The following RAB2B variants were observed in gnomAD, a reference collection of about 807,000 sequenced individuals.
The protein encoded by RAB2B is RAB2B, member RAS oncogene family.
RAB2B carries 20 observed loss-of-function variants against 29.8 expected under a neutral mutation model. That is an observed-to-expected ratio of 0.67 (90% confidence interval 0.47 to 0.97). The LOEUF (loss-of-function observed/expected upper bound fraction) is 0.97. RAB2B is among the 50% of genes least tolerant of loss of function. RAB2B has a pLI of 0.00. For missense variants in RAB2B, 218 were observed against 272.0 expected (o/e 0.80, Z 1.40); for synonymous variants, 93 against 91.7 (o/e 1.01, Z -0.08).
intron 3 of RAB2B, among the ~76,000 whole-genome samples, chr14:21,471,681 C>CT (rs35750510): frequency 0.8 from 106,325 of 132,310 alleles, 44,079 homozygotes; most frequent in Middle Eastern, 0.91. Context: ...TTTTTTTTTC[C>CT]TTTTTTTTTT....
chr14:21,468,382 C>A lies in RAB2B; in HGVS notation c.337G>T (p.Val113Phe). 1 of 1,613,906 alleles carries A rather than the reference C, an allele frequency of 6.2e-7. No individual in the cohort carries two copies. The highest frequency in any genetic ancestry group is 1.1e-5 in the South Asian group (1 of 91,066). ...DARQHSSSNM[V>F]IMLIGNKSDL... ...CTCTTATTCCCAATGAGCATGATAA[C>A]CATGTTGGAACTAGAGTGCTGCCGG... The change falls in exon 5 of 8, where the codon GTT becomes TTT. Residue 113 changes from valine to phenylalanine, a missense_variant. Val to Phe is a conservative substitution (Grantham distance 50). Transcript: ENST00000397762.
At chr14:21,467,144 TA>T (rs1890705384) in intron 5 of RAB2B, among the ~76,000 whole-genome samples, 1 of 151,520 alleles carries the variant, frequency 6.6e-6, no homozygotes, top group Non-Finnish European at 1.5e-5. Flanking sequence ...CCTGACTTTC[TA>T]ATCTACCCAC....
intron 5 of RAB2B, among the ~76,000 whole-genome samples, chr14:21,465,977 C>T (rs562938488): frequency 6.6e-6 from 1 of 152,326 alleles, no homozygotes; most frequent in East Asian, 1.9e-4. Context: ...AATATCACTC[C>T]TAATCAAAAG....
chr14:21,470,552 G>A (rs899900660), intron 3 of RAB2B, among the ~76,000 whole-genome samples: 6 of 151,732 alleles, frequency 4.0e-5, no homozygotes, highest in Non-Finnish European at 5.9e-5. Context: ...AATCAGAATC[G>A]GAAAATAAAA....
intron 4 of RAB2B, 52 bp downstream of exon 4, chr14:21,468,618 C>A: frequency 2.3e-6 from 3 of 1,308,542 alleles, no homozygotes; most frequent in Non-Finnish European, 3.2e-6. Flanking sequence ...AAAAAAAAAG[C>A]TTTAGAGGAT....
intron 2 of RAB2B, chr14:21,476,322 A>AG (rs1890962282): frequency 5.2e-6 from 3 of 573,646 alleles, no homozygotes; most frequent in Non-Finnish European, 9.2e-6. Context: ...CACTCTAAAA[A>AG]GTTACCTTTC....
chr14:21,468,755 T>C lies in RAB2B; in HGVS notation c.187-3A>G, dbSNP rs1398441340. ...GAACGGAAGGATTCTTGCCCAGCCT[T>C]TCCCACCAACATGGCAACAAAAAAT... On this transcript the variant is annotated splice_polypyrimidine_tract_variant and splice_region_variant and intron_variant, in intron 3 of 7. Transcript: ENST00000397762. The C allele has an allele frequency of 6.6e-7, 1 of 1,523,372 alleles. No homozygotes were observed. The highest frequency in any genetic ancestry group is 8.8e-7 in the Non-Finnish European group (1 of 1,135,850). The allele number at this position is 1,523,372 out of a possible 1,614,324, so 94.4% of individuals were successfully genotyped here. A position where few individuals can be genotyped will look rare whatever the true frequency, so the allele number is the denominator to read the frequency against.
rs1890490644 is a variant in RAB2B at position 21,459,590 on chromosome 14, A to C, written c.*1606T>G. The C allele has an allele frequency of 6.6e-6, 1 of 152,274 alleles. No homozygotes were observed. Among genetic ancestry groups the C allele is most frequent in the African/African-American group, 2.4e-5 (1 of 41,468 alleles). 9.4% of individuals were successfully genotyped at this position (152,274 alleles called of 1,614,324 possible). On this transcript the variant is annotated 3_prime_UTR_variant, in exon 8 of 8. Coordinates refer to ENST00000397762, the MANE Select transcript of RAB2B (RefSeq NM_032846.4). The stretch of plus-strand genomic sequence containing the variant: ...AACTTATACGGAAAGACAAGATTCC[A>C]CACAAAAACAACTGCAAACCATATT...
intron 3 of RAB2B, 115 bp downstream of exon 3, chr14:21,474,752 T>C (rs1007217605): frequency 6.4e-6 from 5 of 781,286 alleles, no homozygotes; most frequent in Non-Finnish European, 1.1e-5. Context: ...TGATTTCACC[T>C]TTCCCCTACT....
chr14:21,462,501 T>TCTC, intron 6 of RAB2B, 83 bp from the exon 7 acceptor site: 1 of 1,321,890 alleles, frequency 7.6e-7, no homozygotes, highest in Non-Finnish European at 1.1e-6. Context: ...TTATTCATAT[T>TCTC]TGAATTTCTA....
intron 3 of RAB2B, 80 bp from the exon 4 acceptor site, chr14:21,468,832 T>TA: frequency 1.3e-6 from 1 of 786,964 alleles, no homozygotes; most frequent in Non-Finnish European, 1.9e-6. Context: ...CATGCCACCC[T>TA]AATACAAAGG....
chr14:21,476,376 TCATTG>T, intron 2 of RAB2B, 147 bp downstream of exon 2: 1 of 739,934 alleles, frequency 1.4e-6, no homozygotes, highest in Admixed American at 2.6e-5. Flanking sequence ...TATCAACGTT[TCATTG>T]GTCACTTCAT....
chr14:21,476,702 G>GCCGCCCCGAA, intron 1 of RAB2B, 103 bp from the exon 2 acceptor site: 1 of 1,575,788 alleles, frequency 6.3e-7, no homozygotes, highest in South Asian at 1.1e-5. Context: ...CCCGCCCCCG[G>GCCGCCCCGAA]CCGCCCCGAA....
chr14:21,472,433 A>G (rs1478249585), intron 3 of RAB2B, among the ~76,000 whole-genome samples: 3 of 152,226 alleles, frequency 2.0e-5, no homozygotes, highest in African/African-American at 7.2e-5. Flanking sequence ...ATGGGTCAAT[A>G]AAGTGGGAAG....
chr14:21,473,678 C>G (rs7159433), intron 3 of RAB2B, among the ~76,000 whole-genome samples: 136,979 of 152,174 alleles, frequency 0.9, 61,796 homozygotes, highest in Middle Eastern at 0.95. Context: ...GTCAGTTCAA[C>G]ACCGGCCTGG....
intron 6 of RAB2B, among the ~76,000 whole-genome samples, chr14:21,463,091 G>A (rs1274303488): frequency 6.6e-6 from 1 of 152,028 alleles, no homozygotes; most frequent in Non-Finnish European, 1.5e-5. Flanking sequence ...TCCAACCAGA[G>A]TGATTTACTA....
intron 1 of RAB2B, 40 bp downstream of exon 1, chr14:21,476,787 T>A: frequency 6.6e-7 from 1 of 1,516,624 alleles, no homozygotes; most frequent in South Asian, 1.1e-5. Context: ...GAGCTTCGAA[T>A]GCCCGCCCGA....
Position 21,463,650 on chromosome 14 carries a change from T to TA in RAB2B, c.474+5dup. On this transcript the variant is annotated splice_donor_region_variant and intron_variant, in intron 6 of 7. Coordinates refer to ENST00000397762, the MANE Select transcript of RAB2B (RefSeq NM_032846.4). ...AGAGCTTTCCCCACTGTTTTCCAAA[T>TA]AGTACCTCTTCAACATTGCAGGCTG... The TA allele has an allele frequency of 6.3e-7, 1 of 1,582,384 alleles. No homozygotes were observed. Among genetic ancestry groups the TA allele is most frequent in the Non-Finnish European group, 8.7e-7 (1 of 1,151,488 alleles).
Position 21,461,039 on chromosome 14 carries a change from G to A in RAB2B, c.*157C>T, listed in dbSNP as rs1890542515. The A allele has an allele frequency of 8.7e-6, 5 of 572,468 alleles. No individual in the cohort carries two copies. The Admixed American group carries it at 1.3e-4, about 15-fold the overall frequency. 35.5% of individuals were successfully genotyped at this position (572,468 alleles called of 1,614,324 possible). On this transcript the variant is annotated 3_prime_UTR_variant, in exon 8 of 8. Coordinates refer to ENST00000397762, the MANE Select transcript of RAB2B (RefSeq NM_032846.4). ...CATGTCCCTGAAGGAGGACAGGTCA[G>A]TAAGGGCCCAAATTCTCTCCTGGTC... is the stretch of plus-strand genomic sequence containing the variant.
Sources: allele counts gnomAD v4.1 joint callset (sites outside exome capture counted in the v4.1 genomes callset), GRCh38; gene constraint gnomAD v4.1.1; transcripts MANE v1.5; gene names NCBI Gene and HGNC (gene_info 2026-07-23, HGNC 2026-07-21).